The following BRINP3 variants were observed in gnomAD, a reference collection of about 807,000 sequenced individuals.
BRINP3 encodes BMP/retinoic acid-inducible neural-specific protein 3.
In BRINP3, 19 loss-of-function variants were observed where a neutral mutation model predicts 71.0. The observed-to-expected ratio is 0.27, with a 90% CI of 0.19 to 0.39. BRINP3 has a LOEUF of 0.39. BRINP3 is among the 10% of genes least tolerant of loss of function. The probability of loss-of-function intolerance (pLI) is 1.00; values close to 1 mark genes in which losing one functional copy is unlikely to be tolerated. For missense variants in BRINP3, 959 were observed against 940.8 expected (o/e 1.02, Z -0.25); for synonymous variants, 380 against 337.7 (o/e 1.13, Z -1.37).
rs1465010768 is a variant in BRINP3 at position 190,131,788 on chromosome 1, C to T, written c.1184+28880G>A. ...TCTACAAATGCATTTTCATTTACTC[C>T]ATCTTTTTCTTTGAATTTATGAGCT... On this transcript the variant is annotated intron_variant, in intron 7 of 7. Transcript: ENST00000367462. 2.0e-5 allele frequency among the ~76,000 whole-genome samples: 3 copies of T among 152,032 alleles called. No individual in the cohort carries two copies. In the South Asian group the frequency reaches 6.2e-4, roughly 31 times the overall value.
chr1:190,234,334 C>G (rs1343681853), intron 5 of BRINP3, 38 bp downstream of exon 5: 1 of 1,469,872 alleles, frequency 6.8e-7, no homozygotes, highest in South Asian at 1.2e-5. Context: ...AATTGCTATT[C>G]AGGCTTGTAG....
chr1:190,372,226 A>T (rs553059669), intron 2 of BRINP3, among the ~76,000 whole-genome samples: 1 of 152,166 alleles, frequency 6.6e-6, no homozygotes, highest in Non-Finnish European at 1.5e-5. Context: ...GTTGCCTTGC[A>T]TTCTGCCTGC....
intron 6 of BRINP3, among the ~76,000 whole-genome samples, chr1:190,199,764 G>T (rs1654823769): frequency 7.9e-6 from 1 of 125,926 alleles, no homozygotes. Flanking sequence ...TTCTTGTCAA[G>T]GCATAGGAAA....
chr1:190,288,518 T>C (rs1215413812), intron 2 of BRINP3, among the ~76,000 whole-genome samples: 1 of 151,938 alleles, frequency 6.6e-6, no homozygotes. Flanking sequence ...ATTCACAAAA[T>C]GTAAAGCTTT....
intron 2 of BRINP3, among the ~76,000 whole-genome samples, chr1:190,360,048 G>C (rs1411032659): frequency 6.6e-6 from 1 of 152,192 alleles, no homozygotes; most frequent in Non-Finnish European, 1.5e-5. Flanking sequence ...GAAAAAGGCA[G>C]TGACACAGGT....
intron 7 of BRINP3, among the ~76,000 whole-genome samples, chr1:190,150,603 G>A (rs912807209): frequency 6.6e-6 from 1 of 152,168 alleles, no homozygotes; most frequent in Non-Finnish European, 1.5e-5. Flanking sequence ...CATTCAGAAT[G>A]AGAAGTTTAG....
intron 6 of BRINP3, among the ~76,000 whole-genome samples, chr1:190,204,325 T>G (rs703928): frequency 0.57 from 86,226 of 151,508 alleles, 24,884 homozygotes; most frequent in African/African-American, 0.67. Flanking sequence ...ATAGAGTTGA[T>G]AGAAAAACGC....
At chr1:190,310,008 A>G (rs1338970054) in intron 2 of BRINP3, among the ~76,000 whole-genome samples, 3 of 151,600 alleles carry the variant, frequency 2.0e-5, no homozygotes, top group Non-Finnish European at 4.4e-5. Context: ...TACATGGAGT[A>G]GGCTACAATG....
intron 7 of BRINP3, among the ~76,000 whole-genome samples, chr1:190,146,979 G>T (rs1308204629): frequency 6.6e-6 from 1 of 151,896 alleles, no homozygotes; most frequent in African/African-American, 2.4e-5. Context: ...ATTGCCACAA[G>T]ATTTTTATTA....
rs545762462 is a variant in BRINP3, at chr1:190,182,602, G to T, written c.962-21712C>A. ...ATTAACCTTGTCCACAGCAGGTATG[G>T]CCTTTGTGTTCAGCTCAGCGAGGTA... On this transcript the variant is annotated intron_variant, in intron 6 of 7. Transcript: ENST00000367462. 2.6e-5 allele frequency among the ~76,000 whole-genome samples: 4 copies of T among 152,140 alleles called. No homozygotes were observed. In the East Asian group the frequency reaches 7.7e-4, roughly 29 times the overall value.
At chr1:190,475,621 G>T (rs536123427) in intron 1 of BRINP3, among the ~76,000 whole-genome samples, 14 of 152,302 alleles carry the variant, frequency 9.2e-5, no homozygotes, top group African/African-American at 3.1e-4. Flanking sequence ...CTGAGCTCAG[G>T]TGGCATAGGC....
chr1:190,188,516 T>C (rs1653740287), intron 6 of BRINP3, among the ~76,000 whole-genome samples: 1 of 152,176 alleles, frequency 6.6e-6, no homozygotes, highest in African/African-American at 2.4e-5. Context: ...ATAGCCTTTA[T>C]TTCACTAAGG....
intron 2 of BRINP3, among the ~76,000 whole-genome samples, chr1:190,418,011 G>T (rs1440421614): frequency 1.3e-5 from 2 of 152,094 alleles, no homozygotes; most frequent in African/African-American, 2.4e-5. Context: ...GTGCAGATTT[G>T]GAATAAAACA....
At chr1:190,404,033 A>T (rs1377200832) in intron 2 of BRINP3, among the ~76,000 whole-genome samples, 1 of 152,178 alleles carries the variant, frequency 6.6e-6, no homozygotes, top group Non-Finnish European at 1.5e-5. Context: ...CTTCAGAAAA[A>T]GTTCTAAGAG....
Position 190,235,947 on chromosome 1 carries a change from T to C in BRINP3, c.619-1470A>G, listed in dbSNP as rs185157898. 3.6e-4 allele frequency among the ~76,000 whole-genome samples: 54 copies of C among 152,070 alleles called. No homozygotes were observed. In the East Asian group the frequency reaches 9.1e-3, roughly 26 times the overall value. On this transcript the variant is annotated intron_variant, in intron 4 of 7. Coordinates refer to ENST00000367462, the MANE Select transcript of BRINP3 (RefSeq NM_199051.3). Reference sequence around the variant, plus strand: ...CCACATTCTAAAAATGCGGGAGTTTTTGTCTATTTTGTTCACTCACATATC... The same window carrying C: ...CCACATTCTAAAAATGCGGGAGTTTCTGTCTATTTTGTTCACTCACATATC...
intron 2 of BRINP3, among the ~76,000 whole-genome samples, chr1:190,329,701 G>A (rs569218786): frequency 6.6e-6 from 1 of 151,962 alleles, no homozygotes; most frequent in South Asian, 2.1e-4. Context: ...AAGCAACCCT[G>A]AGCACAAAGA....
intron 2 of BRINP3, among the ~76,000 whole-genome samples, chr1:190,441,569 A>T (rs1674821484): frequency 6.6e-6 from 1 of 152,084 alleles, no homozygotes; most frequent in African/African-American, 2.4e-5. Flanking sequence ...TTCTGCTAAG[A>T]TATTTGTCAG....
intron 1 of BRINP3, among the ~76,000 whole-genome samples, chr1:190,460,197 T>TTATTCTTTCA (rs1676290663): frequency 6.6e-6 from 1 of 151,386 alleles, no homozygotes; most frequent in Non-Finnish European, 1.5e-5. Flanking sequence ...TTCTTTCAAA[T>TTATTCTTTCA]AATACGATAC....
chr1:190,330,674 T>A (rs1666906467), intron 2 of BRINP3, among the ~76,000 whole-genome samples: 1 of 152,010 alleles, frequency 6.6e-6, no homozygotes, highest in South Asian at 2.1e-4. Flanking sequence ...AAAAGACACA[T>A]GCACTCACAT....
Sources: gnomAD v4.1 joint callset for allele counts (sites outside exome capture counted in the v4.1 genomes callset) on GRCh38, gnomAD v4.1.1 for gene constraint, MANE v1.5 for transcripts, NCBI Gene and HGNC (gene_info 2026-07-23, HGNC 2026-07-21) for gene names.